CCDC171: variants seen among roughly 807,000 people sequenced by gnomAD.
The protein encoded by CCDC171 is coiled-coil domain containing 171, also known as coiled-coil domain-containing protein 171.
In CCDC171, 177 loss-of-function variants were observed where a neutral mutation model predicts 168.2. The ratio of observed to expected loss-of-function variants is 1.05; its 90% CI spans 0.93 to 1.19. The LOEUF (loss-of-function observed/expected upper bound fraction) is 1.19. Among genes scored for constraint, CCDC171 ranks in the 50% most tolerant of loss-of-function variants. CCDC171 has a pLI of 0.00. For missense variants in CCDC171, 1,991 were observed against 1,539.0 expected, an observed-to-expected ratio of 1.29 and a Z score of -4.91; for synonymous variants, 687 against 540.8, an observed-to-expected ratio of 1.27 and a Z score of -3.75.
chr9:15,724,052 C>T (rs1215081923), intron 13 of CCDC171, among the ~76,000 whole-genome samples: 1 of 152,142 alleles, frequency 6.6e-6, no homozygotes, highest in South Asian at 2.1e-4. Context: ...TAGGTACGTA[C>T]TAAACATATT....
At chr9:15,647,991 A>C (rs2047187149) in intron 7 of CCDC171, among the ~76,000 whole-genome samples, 1 of 152,224 alleles carries the variant, frequency 6.6e-6, no homozygotes, top group South Asian at 2.1e-4. Context: ...TGATGCAAAA[A>C]TCCTCAATAA....
intron 7 of CCDC171, among the ~76,000 whole-genome samples, chr9:15,650,301 T>A (rs571325843): frequency 1.3e-5 from 2 of 151,950 alleles, no homozygotes; most frequent in African/African-American, 4.8e-5. Flanking sequence ...CTAATGTAAA[T>A]GATGAGTTGA....
chr9:15,620,401 G>C lies in CCDC171; in HGVS notation c.676-2866G>C, dbSNP rs566465232. 6.6e-5 allele frequency among the ~76,000 whole-genome samples: 10 copies of C among 152,212 alleles called. No homozygotes were observed. The South Asian group carries it at 1.2e-3, about 19-fold the overall frequency. ...GTTCCAGTCCTTATGGATAACTTTG[G>C]GGGTGGGGGCAGGTTTAGACTTCAG... On this transcript the variant is annotated intron_variant, in intron 6 of 25. Coordinates refer to ENST00000380701, the MANE Select transcript of CCDC171 (RefSeq NM_173550.4).
At chr9:15,660,648 G>T (rs10962112) in intron 8 of CCDC171, among the ~76,000 whole-genome samples, 3 of 152,112 alleles carry the variant, frequency 2.0e-5, no homozygotes, top group African/African-American at 7.2e-5. Context: ...CATAGGACAT[G>T]ATTTTGTTCT....
intron 21 of CCDC171, among the ~76,000 whole-genome samples, chr9:15,796,900 G>GA (rs2058584550): frequency 6.6e-6 from 1 of 152,180 alleles, no homozygotes; most frequent in African/African-American, 2.4e-5. Flanking sequence ...ACCAGTGGGT[G>GA]ACTAGCAAGC....
intron 4 of CCDC171, among the ~76,000 whole-genome samples, chr9:15,583,435 C>CTA (rs2041298098): frequency 1.3e-5 from 2 of 149,544 alleles, no homozygotes; most frequent in South Asian, 4.2e-4. Context: ...AGAAAATGTG[C>CTA]TATATATACA....
the CCDC171 span, among the ~76,000 whole-genome samples, chr9:16,103,178 A>G: frequency 2.0e-5 from 3 of 152,166 alleles, no homozygotes; most frequent in Non-Finnish European, 4.4e-5. Flanking sequence ...CCTGGTTAGG[A>G]AGATGGAGTT....
intron 21 of CCDC171, among the ~76,000 whole-genome samples, chr9:15,816,792 T>A (rs1349033819): frequency 1.7e-5 from 2 of 118,894 alleles, no homozygotes; most frequent in African/African-American, 6.3e-5. Context: ...GATAATTTAA[T>A]AACCTTTTTT....
chr9:15,759,117 C>T (rs1404602661), intron 18 of CCDC171, among the ~76,000 whole-genome samples: 2 of 152,172 alleles, frequency 1.3e-5, no homozygotes, highest in Non-Finnish European at 2.9e-5. Context: ...CTCCCTCCCT[C>T]TCTCCAGCCT....
chr9:15,729,832 G>A (rs1287552011), intron 16 of CCDC171, 34 bp downstream of exon 16: 3 of 1,575,446 alleles, frequency 1.9e-6, no homozygotes, highest in African/African-American at 1.4e-5. Context: ...TTAAAAAATG[G>A]GTTACTCAGT....
At chr9:15,952,247 C>T (rs984043114) in intron 25 of CCDC171, among the ~76,000 whole-genome samples, 1 of 152,270 alleles carries the variant, frequency 6.6e-6, no homozygotes, top group African/African-American at 2.4e-5. Flanking sequence ...CTATATCTGT[C>T]TTTATGCCAG....
At chr9:16,050,262 T>G (rs1387660638) in intron 1 of CCDC171, among the ~76,000 whole-genome samples, 1 of 152,224 alleles carries the variant, frequency 6.6e-6, no homozygotes, top group East Asian at 1.9e-4. Flanking sequence ...GGCTACTTAA[T>G]GGTAAAGGAT....
At chr9:15,795,439 G>GA (rs199530565) in intron 21 of CCDC171, among the ~76,000 whole-genome samples, 1,985 of 152,136 alleles carry the variant, frequency 0.013, 13 homozygotes, top group Middle Eastern at 0.027. Flanking sequence ...GTGGAAACTA[G>GA]AAAAAATATA....
intron 21 of CCDC171, among the ~76,000 whole-genome samples, chr9:15,813,796 C>G (rs1588658770): frequency 6.6e-6 from 1 of 152,238 alleles, no homozygotes; most frequent in East Asian, 1.9e-4. Context: ...AGGTTTTTGT[C>G]AATTTTTAAA....
chr9:16,092,081 G>C, the CCDC171 span, among the ~76,000 whole-genome samples: 1 of 152,162 alleles, frequency 6.6e-6, no homozygotes, highest in Non-Finnish European at 1.5e-5. Flanking sequence ...CAGAAAGTTT[G>C]AGCTCTGTGC....
chr9:15,888,011 A>C (rs994106950), intron 24 of CCDC171: 1 of 152,196 alleles, frequency 6.6e-6, no homozygotes, highest in Non-Finnish European at 1.5e-5. Context: ...TCAGCTCCTA[A>C]ATGAAGTCTC....
chr9:15,598,224 C>T (rs146576800), intron 6 of CCDC171, among the ~76,000 whole-genome samples: 2 of 152,038 alleles, frequency 1.3e-5, no homozygotes, highest in African/African-American at 4.8e-5. Context: ...TTCTCTAGTT[C>T]TTTTAATTGT....
the CCDC171 span, among the ~76,000 whole-genome samples, chr9:16,093,627 ACT>A: frequency 1.3e-5 from 2 of 152,200 alleles, no homozygotes; most frequent in Non-Finnish European, 2.9e-5. Context: ...GATGTTGCCC[ACT>A]GTTTCCCTTT....
At chr9:15,787,973 C>A (rs548498839) in intron 21 of CCDC171, among the ~76,000 whole-genome samples, 1 of 152,216 alleles carries the variant, frequency 6.6e-6, no homozygotes, top group South Asian at 2.1e-4. Flanking sequence ...ATTTTGAAGT[C>A]TTTTTCTCTG....
Sources: allele counts gnomAD v4.1 joint callset (sites outside exome capture counted in the v4.1 genomes callset), GRCh38; gene constraint gnomAD v4.1.1; transcripts MANE v1.5; gene names NCBI Gene and HGNC (gene_info 2026-07-23, HGNC 2026-07-21).